The following ASTN2 variants were observed in gnomAD, a reference collection of about 807,000 sequenced individuals.
ASTN2 encodes astrotactin 2.
A neutral mutation model predicts 139.8 loss-of-function variants in ASTN2; 54 were observed. That is an observed-to-expected ratio of 0.39 (90% CI 0.31 to 0.48). The LOEUF (loss-of-function observed/expected upper bound fraction) is 0.48, where lower values mean the gene tolerates loss of function less well. ASTN2 is among the 20% of genes least tolerant of loss of function. The pLI is 0.95. For synonymous variants in ASTN2, 756 were observed against 719.5 expected (o/e 1.05, Z -0.81); for missense variants, 1,565 against 1,725.1 (o/e 0.91, Z 1.64).
In ASTN2 at chr9:116,487,451, A is replaced by G. The variant is rs749000872; in HGVS notation, c.3405T>C (p.Ser1135=). The stretch of plus-strand genomic sequence containing the variant: ...CATGGCTTCGACCAGCTGCTACACA[A>G]GATGTGCCCAGGCCAGAGAGTAAGT... ...ADDLLSGLGT[S]CVAAGRSHGE... Residue 1135 remains serine, a synonymous_variant, in exon 20 of 23, where the codon TCT becomes TCC. Transcript: ENST00000313400. 1 of 1,614,048 alleles carries G rather than the reference A, an allele frequency of 6.2e-7. No homozygotes were observed. The highest frequency in any genetic ancestry group is 8.5e-7 in the Non-Finnish European group (1 of 1,179,972).
chr9:116,680,958 T>C (rs974669884), intron 16 of ASTN2, among the ~76,000 whole-genome samples: 2 of 152,170 alleles, frequency 1.3e-5, no homozygotes, highest in African/African-American at 4.8e-5. Flanking sequence ...CTTTGAAAAC[T>C]GGCACAAGAC....
chr9:117,268,450 C>T (rs1833985798), intron 2 of ASTN2, among the ~76,000 whole-genome samples: 1 of 152,170 alleles, frequency 6.6e-6, no homozygotes, highest in Admixed American at 6.5e-5. Flanking sequence ...CGTTTTCTTC[C>T]TCCAGGAGGC....
intron 10 of ASTN2, among the ~76,000 whole-genome samples, chr9:116,882,463 A>AAATT (rs1833472640): frequency 6.6e-6 from 1 of 152,218 alleles, no homozygotes; most frequent in Admixed American, 6.5e-5. Context: ...AAAAGGTGAC[A>AAATT]ACAGTGGAGG....
intron 10 of ASTN2, among the ~76,000 whole-genome samples, chr9:116,944,828 G>A (rs568344935): frequency 8.5e-5 from 13 of 152,222 alleles, no homozygotes; most frequent in African/African-American, 3.1e-4. Context: ...GCTGTTATGA[G>A]GAACTGGATT....
At chr9:116,435,834 T>G (rs974413582) in intron 22 of ASTN2, among the ~76,000 whole-genome samples, 1 of 152,228 alleles carries the variant, frequency 6.6e-6, no homozygotes, top group Non-Finnish European at 1.5e-5. Flanking sequence ...CTTGTTACAT[T>G]GGATTTTTTG....
chr9:116,794,162 A>G (rs1027764415), intron 13 of ASTN2, among the ~76,000 whole-genome samples: 17 of 148,788 alleles, frequency 1.1e-4, no homozygotes, highest in African/African-American at 4.2e-4. Context: ...CAATGGTGCA[A>G]TCTCGGTTCA....
At chr9:116,675,152 T>A (rs1564197540) in intron 16 of ASTN2, among the ~76,000 whole-genome samples, 1 of 152,122 alleles carries the variant, frequency 6.6e-6, no homozygotes, top group South Asian at 2.1e-4. Context: ...CCTAGTTCTT[T>A]TGGACTGGGG....
intron 2 of ASTN2, among the ~76,000 whole-genome samples, chr9:117,244,921 C>T (rs1317744038): frequency 6.6e-6 from 1 of 152,078 alleles, no homozygotes; most frequent in Non-Finnish European, 1.5e-5. Context: ...TTGTTTAATG[C>T]ACGATTATTT....
At chr9:116,722,445 G>A (rs1465418979) in intron 16 of ASTN2, among the ~76,000 whole-genome samples, 1 of 152,164 alleles carries the variant, frequency 6.6e-6, no homozygotes, top group Non-Finnish European at 1.5e-5. Context: ...GTAATTTCCA[G>A]TGGTTTCCCC....
At chr9:117,301,220 G>T (rs1229659429) in intron 1 of ASTN2, among the ~76,000 whole-genome samples, 3 of 152,026 alleles carry the variant, frequency 2.0e-5, no homozygotes, top group Non-Finnish European at 2.9e-5. Context: ...TTCATGATAT[G>T]CCCTTGGTTT....
At chr9:116,804,854 G>A (rs917242010) in intron 13 of ASTN2, among the ~76,000 whole-genome samples, 1 of 151,900 alleles carries the variant, frequency 6.6e-6, no homozygotes, top group East Asian at 1.9e-4. Flanking sequence ...GTGTGTGTGT[G>A]TGAGTGTGTG....
chr9:117,005,080 ATTTTTTT>A (rs35759848), intron 7 of ASTN2, among the ~76,000 whole-genome samples: 7 of 74,666 alleles, frequency 9.4e-5, no homozygotes, highest in South Asian at 6.4e-4. Context: ...CCTGTAGTCG[ATTTTTTT>A]TTTTTTTTTT....
intron 11 of ASTN2, among the ~76,000 whole-genome samples, chr9:116,824,656 T>G (rs1204627759): frequency 6.6e-6 from 1 of 152,230 alleles, no homozygotes; most frequent in East Asian, 1.9e-4. Context: ...TTTCTGACCC[T>G]TAAAAATTGT....
rs371929117 is a variant in ASTN2, at chr9:116,591,747, A to G, written c.3355+26577T>C. On this transcript the variant is annotated intron_variant, in intron 19 of 22. Transcript: ENST00000313400. ...GTGTTTTAACCTTCAGGAAGAGGCT[A>G]TAACTGAATGGGAGCACAAAGTGGG... 8.5e-5 allele frequency among the ~76,000 whole-genome samples: 13 copies of G among 152,338 alleles called. No homozygotes were observed. The South Asian group carries it at 1.9e-3, about 22-fold the overall frequency.
At chr9:116,651,087 TTG>T (rs76947018) in intron 17 of ASTN2, among the ~76,000 whole-genome samples, 42,718 of 151,594 alleles carry the variant, frequency 0.28, 6,832 homozygotes, top group Admixed American at 0.42. Context: ...TGGCGAATCT[TTG>T]TGTTTTTAGT....
At chr9:117,381,752 T>C (rs1197913253) in intron 1 of ASTN2, among the ~76,000 whole-genome samples, 1 of 152,192 alleles carries the variant, frequency 6.6e-6, no homozygotes, top group African/African-American at 2.4e-5. Flanking sequence ...AACAGACTAA[T>C]ACAACAAGTT....
At chr9:117,257,444 T>C (rs1833717272) in intron 2 of ASTN2, among the ~76,000 whole-genome samples, 1 of 152,168 alleles carries the variant, frequency 6.6e-6, no homozygotes, top group Non-Finnish European at 1.5e-5. Flanking sequence ...GCAAATCTGT[T>C]CAAAAATAGA....
chr9:116,565,835 T>C (rs1365320879), intron 19 of ASTN2, among the ~76,000 whole-genome samples: 3 of 152,152 alleles, frequency 2.0e-5, no homozygotes, highest in Admixed American at 2.0e-4. Flanking sequence ...AAGTTGACTT[T>C]ACAACCTACT....
At chr9:116,833,766 C>T (rs1831895722) in intron 11 of ASTN2, among the ~76,000 whole-genome samples, 1 of 151,946 alleles carries the variant, frequency 6.6e-6, no homozygotes, top group Admixed American at 6.6e-5. Context: ...GATTTATGTC[C>T]CCACAAAGAT....
Sources: gnomAD v4.1 joint callset for allele counts (sites outside exome capture counted in the v4.1 genomes callset) on GRCh38, gnomAD v4.1.1 for gene constraint, MANE v1.5 for transcripts, NCBI Gene and HGNC (gene_info 2026-07-23, HGNC 2026-07-21) for gene names.